The following TMEM35A variants were observed in gnomAD, a reference collection of about 807,000 sequenced individuals.
TMEM35A encodes the protein nicotinic acetylcholine receptor chaperone.
For missense variants in TMEM35A, 83 were observed against 132.7 expected (o/e 0.63, Z 1.84); for synonymous variants, 50 against 54.7 (o/e 0.91, Z 0.38).
At position 101,078,974 on chromosome X, in the gene TMEM35A, G is replaced by C. The variant is rs1413656877; in HGVS notation, c.-29G>C. 1 of 1,210,872 alleles carries C rather than the reference G, an allele frequency of 8.3e-7. No homozygotes were observed. Among genetic ancestry groups the C allele is most frequent in the Non-Finnish European group, 1.1e-6 (1 of 895,151 alleles). On this transcript the variant is annotated 5_prime_UTR_variant, in exon 1 of 2. Coordinates refer to ENST00000372930, the MANE Select transcript of TMEM35A (RefSeq NM_021637.3). ...ACAGAGCGGGTGCGCAAATCAGAAG[G>C]ATTAGTTGGGACCTGCCTTGGCGAC...
At chrX:101,089,680 C>T (rs1029091910) in intron 1 of TMEM35A, among the ~76,000 whole-genome samples, 1 of 106,638 alleles carries the variant, frequency 9.4e-6, no homozygotes, top group Non-Finnish European at 1.9e-5. Context: ...TTTTGAGCCC[C>T]AGAGGTAGAG....
At chrX:101,080,764 T>A (rs2089289595) in intron 1 of TMEM35A, among the ~76,000 whole-genome samples, 1 of 110,736 alleles carries the variant, frequency 9.0e-6, no homozygotes, top group South Asian at 3.9e-4. Context: ...GTACATATAT[T>A]TATATATTTG....
At chrX:101,092,933 A>T (rs1241785268) in intron 1 of TMEM35A, among the ~76,000 whole-genome samples, 2 of 112,128 alleles carry the variant, frequency 1.8e-5, no homozygotes, top group Admixed American at 1.9e-4. Context: ...GCTTCTTATA[A>T]AGGTTTGGGG....
At chrX:101,094,447 A>C in intron 1 of TMEM35A, 126 bp from the exon 2 acceptor site, 5 of 650,907 alleles carry the variant, frequency 7.7e-6, no homozygotes, top group Non-Finnish European at 1.1e-5. Flanking sequence ...TAAGATAAGA[A>C]AAATTATATA....
In TMEM35A at chrX:101,094,717, G is replaced by A; in HGVS notation, c.265G>A (p.Val89Met). The A allele has an allele frequency of 4.1e-6, 5 of 1,211,640 alleles. No homozygotes were observed. Among genetic ancestry groups the A allele is most frequent in the South Asian group, 1.8e-5 (1 of 56,993 alleles). Reference sequence around the variant, plus strand: ...CCTTGTGCCTGGGCGTCCCAAAGATGTGGCCAACTTCTTCCTACTGTTGCT... The same window carrying A: ...CCTTGTGCCTGGGCGTCCCAAAGATATGGCCAACTTCTTCCTACTGTTGCT... The part of the protein sequence containing the change: ...MTLVPGRPKD[V>M]ANFFLLLLVL... The change falls in exon 2 of 2, where the codon GTG becomes ATG. Residue 89 changes from valine to methionine, a missense_variant. Transcript: ENST00000372930.
In TMEM35A at chrX:101,096,002, C is replaced by T. The variant is rs908693331; in HGVS notation, c.*1046C>T. The T allele has an allele frequency of 1.8e-5, 2 of 112,368 alleles. No homozygotes were observed. Among genetic ancestry groups the T allele is most frequent in the African/African-American group, 3.2e-5 (1 of 30,947 alleles). The allele number at this position is 112,368 out of a possible 1,213,427, so 9.3% of individuals were successfully genotyped here. ...TTCACTGCCAAACAGATTCACTACTCTTACTGATTCTTCACTGAGCTTTGC... is the reference window on the plus strand; with the variant it reads ...TTCACTGCCAAACAGATTCACTACTTTTACTGATTCTTCACTGAGCTTTGC... On this transcript the variant is annotated 3_prime_UTR_variant, in exon 2 of 2. Coordinates refer to ENST00000372930, the MANE Select transcript of TMEM35A (RefSeq NM_021637.3).
intron 1 of TMEM35A, among the ~76,000 whole-genome samples, chrX:101,086,710 C>G (rs766369564): frequency 9.0e-6 from 1 of 111,493 alleles, no homozygotes; most frequent in African/African-American, 3.3e-5. Flanking sequence ...TTTCTTCCCC[C>G]TATACGGAAA....
intron 1 of TMEM35A, among the ~76,000 whole-genome samples, chrX:101,084,451 G>GTT (rs11397815): frequency 7.4e-5 from 8 of 108,415 alleles, no homozygotes; most frequent in African/African-American, 1.7e-4. Flanking sequence ...CTTTCATATA[G>GTT]TTTTTTTTCC....
intron 1 of TMEM35A, among the ~76,000 whole-genome samples, chrX:101,079,652 G>C (rs949550543): frequency 1.5e-4 from 17 of 111,983 alleles, no homozygotes; most frequent in Admixed American, 1.1e-3. Flanking sequence ...CCAGCCACCT[G>C]GGTATGTATC....
chrX:101,086,588 C>A (rs1204984783), intron 1 of TMEM35A, among the ~76,000 whole-genome samples: 1 of 112,091 alleles, frequency 8.9e-6, no homozygotes, highest in African/African-American at 3.2e-5. Flanking sequence ...AATTTAGTGG[C>A]AAAACTAAAA....
At chrX:101,089,340 G>A (rs1304419804) in intron 1 of TMEM35A, among the ~76,000 whole-genome samples, 4 of 110,399 alleles carry the variant, frequency 3.6e-5, no homozygotes, top group African/African-American at 9.9e-5. Context: ...GTGTAGCGTC[G>A]GAGCCTACCT....
chrX:101,081,363 C>G (rs2089291376), intron 1 of TMEM35A: 1 of 112,648 alleles, frequency 8.9e-6, no homozygotes, highest in African/African-American at 3.2e-5. Context: ...CTTGGCCCAG[C>G]TTTATTCTCG....
At chrX:101,082,133 C>CTTTTTTTTTTTTTTTTTTTTTTT in intron 1 of TMEM35A, among the ~76,000 whole-genome samples, 10 of 20,482 alleles carry the variant, frequency 4.9e-4, no homozygotes, top group African/African-American at 9.9e-4. Context: ...TTCTTTCTTT[C>CTTTTTTTTTTTTTTTTTTTTTTT]TTTTTTTTTT....
At chrX:101,091,328 G>A (rs2089323717) in intron 1 of TMEM35A, among the ~76,000 whole-genome samples, 1 of 103,842 alleles carries the variant, frequency 9.6e-6, no homozygotes, top group Non-Finnish European at 2.0e-5. Context: ...TTCCAGACAG[G>A]GTCTTGGTCT....
At chrX:101,085,893 C>T (rs1239329193) in intron 1 of TMEM35A, among the ~76,000 whole-genome samples, 4 of 109,844 alleles carry the variant, frequency 3.6e-5, no homozygotes, top group African/African-American at 1.3e-4. Context: ...GCCAAGATCG[C>T]GCCACTGCAC....
intron 1 of TMEM35A, among the ~76,000 whole-genome samples, chrX:101,089,182 T>C (rs146207685): frequency 7.6e-4 from 84 of 110,572 alleles, no homozygotes; most frequent in African/African-American, 2.6e-3. Flanking sequence ...TAATCTAAGA[T>C]GGGAAGAGAG....
chrX:101,094,264 C>T (rs112690482), intron 1 of TMEM35A: 75 of 148,395 alleles, frequency 5.1e-4, no homozygotes, highest in African/African-American at 2.1e-3. Context: ...TACAGGTGCC[C>T]GCCACCACTC....
At chrX:101,080,957 C>T (rs1289870912) in intron 1 of TMEM35A, among the ~76,000 whole-genome samples, 21 of 110,654 alleles carry the variant, frequency 1.9e-4, no homozygotes. Context: ...CGGGAAGCTT[C>T]CTACCAGCTT....
At chrX:101,082,318 C>G (rs905128438) in intron 1 of TMEM35A, among the ~76,000 whole-genome samples, 1 of 102,540 alleles carries the variant, frequency 9.8e-6, no homozygotes, top group African/African-American at 3.6e-5. Flanking sequence ...GGAAAGAGTG[C>G]AGGCTTTATG....
Sources: allele counts gnomAD v4.1 joint callset (sites outside exome capture counted in the v4.1 genomes callset), GRCh38; gene constraint gnomAD v4.1.1; transcripts MANE v1.5; gene names NCBI Gene and HGNC (gene_info 2026-07-23, HGNC 2026-07-21).